Variants in SPADH observed in about 807,000 individuals in gnomAD.
SPADH encodes spermadhesin family member.
the SPADH span, chr10:122,679,161 A>T: frequency 0.046 from 12,895 of 282,056 alleles, 430 homozygotes; most frequent in East Asian, 0.12. Context: ...AGATTGAGTC[A>T]TAGTTCTCCT....
At chr10:122,674,834 C>G in the SPADH span, among the ~76,000 whole-genome samples, 1 of 152,160 alleles carries the variant, frequency 6.6e-6, no homozygotes, top group Non-Finnish European at 1.5e-5. Flanking sequence ...TCAAGATGCC[C>G]ATTGTATAGA....
At chr10:122,676,835 C>T in the SPADH span, 1 of 985,218 alleles carries the variant, frequency 1.0e-6, no homozygotes, top group African/African-American at 1.7e-5. Context: ...CTGAATGCGT[C>T]TGGATCATCG....
the SPADH span, among the ~76,000 whole-genome samples, chr10:122,673,956 A>G: frequency 2.0e-5 from 3 of 152,164 alleles, no homozygotes; most frequent in Admixed American, 1.3e-4. Context: ...TTTCCAACTC[A>G]GATAACAGCT....
the SPADH span, among the ~76,000 whole-genome samples, chr10:122,679,388 T>C: frequency 1.3e-5 from 2 of 152,154 alleles, no homozygotes; most frequent in African/African-American, 2.4e-5. Flanking sequence ...TAGCATTTTC[T>C]AGTGTATTTC....
chr10:122,673,584 G>A, the SPADH span, among the ~76,000 whole-genome samples: 3 of 152,178 alleles, frequency 2.0e-5, no homozygotes, highest in Non-Finnish European at 2.9e-5. Flanking sequence ...AATGCAGGCA[G>A]GAAAGGAAGA....
At chr10:122,675,894 GC>G in the SPADH span, among the ~76,000 whole-genome samples, 43 of 151,976 alleles carry the variant, frequency 2.8e-4, no homozygotes, top group Non-Finnish European at 5.9e-4. Flanking sequence ...ACACCTCCAA[GC>G]CCCCCCGAAG....
At chr10:122,675,716 G>A in the SPADH span, 1 of 879,446 alleles carries the variant, frequency 1.1e-6, no homozygotes, top group Non-Finnish European at 1.4e-6. Flanking sequence ...GCCTCACACA[G>A]AGACACTGTT....
the SPADH span, chr10:122,675,707 C>T: frequency 7.6e-6 from 7 of 925,470 alleles, no homozygotes; most frequent in African/African-American, 1.1e-4. Context: ...CTTTCCCTTG[C>T]CTCACACAGA....
the SPADH span, among the ~76,000 whole-genome samples, chr10:122,677,085 G>A: frequency 6.6e-6 from 1 of 152,106 alleles, no homozygotes; most frequent in Non-Finnish European, 1.5e-5. Context: ...TTCTTGTCAT[G>A]CCTTTCTCAT....
the SPADH span, among the ~76,000 whole-genome samples, chr10:122,676,221 C>T: frequency 6.6e-6 from 1 of 152,206 alleles, no homozygotes; most frequent in Non-Finnish European, 1.5e-5. Context: ...TGGGCACAAG[C>T]TAAGTGCTTT....
At chr10:122,676,702 A>C in the SPADH span, 4 of 984,854 alleles carry the variant, frequency 4.1e-6, no homozygotes. Context: ...ACACAAGCCA[A>C]TCCCAGACCT....
chr10:122,679,166 TCTC>T, the SPADH span: 36 of 259,092 alleles, frequency 1.4e-4, no homozygotes, highest in Non-Finnish European at 2.0e-4. Flanking sequence ...GAGTCATAGT[TCTC>T]CTGGATCAGC....
At chr10:122,674,061 C>T in the SPADH span, among the ~76,000 whole-genome samples, 1 of 152,228 alleles carries the variant, frequency 6.6e-6, no homozygotes, top group African/African-American at 2.4e-5. Flanking sequence ...ATATGCTTGA[C>T]ATTTGGTTTC....
the SPADH span, chr10:122,673,011 C>A: frequency 1.2e-6 from 1 of 813,968 alleles, no homozygotes; most frequent in Non-Finnish European, 1.5e-6. Flanking sequence ...TTGCTTATTG[C>A]CAAGGAAGAA....
At chr10:122,678,519 AAC>A in the SPADH span, among the ~76,000 whole-genome samples, 29 of 152,166 alleles carry the variant, frequency 1.9e-4, no homozygotes, top group Admixed American at 1.7e-3. Context: ...GGGAACTTGA[AAC>A]ACAGCTGATG....
chr10:122,672,915 C>A, the SPADH span: 5 of 985,466 alleles, frequency 5.1e-6, no homozygotes, highest in Non-Finnish European at 6.0e-6. Flanking sequence ...TTGGCCGCTG[C>A]TGTGCAGTAT....
At chr10:122,673,465 G>A in the SPADH span, among the ~76,000 whole-genome samples, 2 of 152,132 alleles carry the variant, frequency 1.3e-5, no homozygotes, top group Admixed American at 1.3e-4. Context: ...ATAACCAGCA[G>A]CTCCCACCGC....
chr10:122,673,953 C>A, the SPADH span, among the ~76,000 whole-genome samples: 1 of 152,234 alleles, frequency 6.6e-6, no homozygotes, highest in African/African-American at 2.4e-5. Context: ...ACATTTCCAA[C>A]TCAGATAACA....
chr10:122,678,959 A>C, the SPADH span: 2 of 984,984 alleles, frequency 2.0e-6, no homozygotes, highest in Non-Finnish European at 2.4e-6. Context: ...TTCTTCCAAC[A>C]TCATCACCAT....
Sources: gnomAD v4.1 joint callset for allele counts (sites outside exome capture counted in the v4.1 genomes callset) on GRCh38, gnomAD v4.1.1 for gene constraint, MANE v1.5 for transcripts, NCBI Gene and HGNC (gene_info 2026-07-23, HGNC 2026-07-21) for gene names.